RBMS3: variants seen among roughly 807,000 people sequenced by gnomAD.
The protein encoded by RBMS3 is RNA binding motif single stranded interacting protein 3.
Under a neutral mutation model 66.8 loss-of-function variants are expected in RBMS3, and 27 were observed. That is an observed-to-expected ratio of 0.40 (90% CI 0.30 to 0.56). The LOEUF is 0.56. Ranked by LOEUF, RBMS3 falls within the 20% of genes least tolerant of loss-of-function variation. RBMS3 has a pLI of 0.40. For missense variants in RBMS3, 513 were observed against 549.5 expected (o/e 0.93, Z 0.66); for synonymous variants, 188 against 183.0 (o/e 1.03, Z -0.22).
At chr3:29,627,886 C>A (rs2049130106) in intron 4 of RBMS3, among the ~76,000 whole-genome samples, 1 of 152,016 alleles carries the variant, frequency 6.6e-6, no homozygotes, top group South Asian at 2.1e-4. Context: ...CTTTCAGGTC[C>A]CTCTGCTGTG....
chr3:29,743,019 A>G (rs1992352), intron 5 of RBMS3, among the ~76,000 whole-genome samples: 130,338 of 152,134 alleles, frequency 0.86, 55,994 homozygotes, highest in East Asian at 0.97. Flanking sequence ...CCAGGAAACC[A>G]ACACAGAAAA....
chr3:29,806,532 G>A (rs2057553153), intron 6 of RBMS3, among the ~76,000 whole-genome samples: 1 of 151,940 alleles, frequency 6.6e-6, no homozygotes, highest in African/African-American at 2.4e-5. Flanking sequence ...AAGAAAGCCA[G>A]CACAATTTTT....
At chr3:29,537,987 T>C (rs1202031628) in intron 3 of RBMS3, among the ~76,000 whole-genome samples, 2 of 152,136 alleles carry the variant, frequency 1.3e-5, no homozygotes, top group Admixed American at 1.3e-4. Flanking sequence ...TATTTAAGTT[T>C]TGCAAAATTT....
At chr3:29,975,176 T>C (rs1273850733) in intron 12 of RBMS3, among the ~76,000 whole-genome samples, 1 of 148,708 alleles carries the variant, frequency 6.7e-6, no homozygotes, top group Non-Finnish European at 1.5e-5. Context: ...TACTTTACTG[T>C]AGATGAAATT....
At chr3:29,999,692 G>A (rs1260456789) in intron 14 of RBMS3, among the ~76,000 whole-genome samples, 3 of 151,972 alleles carry the variant, frequency 2.0e-5, no homozygotes, top group Non-Finnish European at 2.9e-5. Context: ...CTCACTCATA[G>A]GTGGGAATTG....
At position 29,854,235 on chromosome 3, in the gene RBMS3, G is replaced by C. The variant is rs2059016386; in HGVS notation, c.638-14623G>C. On this transcript the variant is annotated intron_variant, in intron 6 of 14. Transcript: ENST00000383767. ...AGCACTGAGGTCGGCCTCCACCCCA[G>C]CCACAGTGTGCTGCCATGTTGTGTT... 2.0e-5 allele frequency among the ~76,000 whole-genome samples: 3 copies of C among 152,126 alleles called. No homozygotes were observed. In the South Asian group the frequency reaches 6.2e-4, roughly 32 times the overall value.
rs570146631 is a variant in RBMS3, at chr3:29,485,827, C to A, written c.249-2614C>A. On this transcript the variant is annotated intron_variant, in intron 2 of 14. Coordinates refer to ENST00000383767, the MANE Select transcript of RBMS3 (RefSeq NM_001003793.3). Reference sequence around the variant, plus strand: ...TTCAGCAATTTGGTCACATAATTTTCTCTAATATTAGATTTCTGCTTCCAA... The same window carrying A: ...TTCAGCAATTTGGTCACATAATTTTATCTAATATTAGATTTCTGCTTCCAA... 3.3e-5 allele frequency among the ~76,000 whole-genome samples: 5 copies of A among 152,218 alleles called. No homozygotes were observed. In the South Asian group the frequency reaches 1.0e-3, roughly 32 times the overall value.
chr3:29,410,557 C>A (rs2040222400), intron 1 of RBMS3, among the ~76,000 whole-genome samples: 1 of 152,178 alleles, frequency 6.6e-6, no homozygotes, highest in South Asian at 2.1e-4. Flanking sequence ...CTGGTACCAC[C>A]AACCTTAGGG....
At chr3:29,852,947 G>T (rs1437435720) in intron 6 of RBMS3, among the ~76,000 whole-genome samples, 1 of 152,054 alleles carries the variant, frequency 6.6e-6, no homozygotes, top group Admixed American at 6.5e-5. Context: ...ACAAAAATGT[G>T]GTACAGATAC....
chr3:29,346,209 C>T (rs940526915), intron 1 of RBMS3, among the ~76,000 whole-genome samples: 5 of 152,024 alleles, frequency 3.3e-5, no homozygotes, highest in Non-Finnish European at 7.4e-5. Context: ...AATACAAGTA[C>T]CCCAAATTAC....
chr3:29,522,425 C>T (rs2044895433), intron 3 of RBMS3, among the ~76,000 whole-genome samples: 1 of 152,106 alleles, frequency 6.6e-6, no homozygotes, highest in African/African-American at 2.4e-5. Context: ...AACTCCTGAC[C>T]TCAGGTGATC....
At chr3:29,548,276 A>C (rs2046045004) in intron 3 of RBMS3, among the ~76,000 whole-genome samples, 1 of 151,964 alleles carries the variant, frequency 6.6e-6, no homozygotes, top group South Asian at 2.1e-4. Flanking sequence ...AATAGCAATA[A>C]AAAAAATTAG....
rs995281662 is a variant in RBMS3, at chr3:30,009,670, G to T, written c.*5808G>T. ...TATTCATATTTTTAAATCTTTCTTTGACCAAAACTATTGCATTGTTTTCAT... is the reference window on the plus strand; with the variant it reads ...TATTCATATTTTTAAATCTTTCTTTTACCAAAACTATTGCATTGTTTTCAT... On this transcript the variant is annotated 3_prime_UTR_variant, in exon 15 of 15. Transcript: ENST00000383767. 6.6e-6 allele frequency: 1 copy of T among 151,988 alleles called. No homozygotes were observed. Among genetic ancestry groups the T allele is most frequent in the African/African-American group, 2.4e-5 (1 of 41,388 alleles). 9.4% of individuals were successfully genotyped at this position (151,988 alleles called of 1,614,324 possible).
chr3:29,794,128 A>T (rs930216373), intron 6 of RBMS3, among the ~76,000 whole-genome samples: 1 of 152,182 alleles, frequency 6.6e-6, no homozygotes, highest in Non-Finnish European at 1.5e-5. Context: ...CCTTGAGCCA[A>T]TTAAACCTCT....
chr3:29,873,602 G>C (rs557716995), intron 7 of RBMS3, among the ~76,000 whole-genome samples: 6 of 152,234 alleles, frequency 3.9e-5, no homozygotes, highest in Admixed American at 1.3e-4. Context: ...TGATTGCTCT[G>C]GCTAGGACTT....
At chr3:29,403,972 G>A (rs6549938) in intron 1 of RBMS3, among the ~76,000 whole-genome samples, 104,835 of 151,890 alleles carry the variant, frequency 0.69, 36,390 homozygotes, top group South Asian at 0.78. Flanking sequence ...CATTCTTCTC[G>A]AGTGGATTAT....
intron 1 of RBMS3, among the ~76,000 whole-genome samples, chr3:29,431,398 T>C (rs539201725): frequency 6.7e-6 from 1 of 149,384 alleles, no homozygotes; most frequent in African/African-American, 2.5e-5. Flanking sequence ...GTTCAAGTGA[T>C]TCTTCTGCCT....
chr3:29,928,300 C>A (rs1353441390), intron 10 of RBMS3, among the ~76,000 whole-genome samples: 1 of 148,988 alleles, frequency 6.7e-6, no homozygotes, highest in Non-Finnish European at 1.5e-5. Context: ...AGGAACTAAT[C>A]TCAATATTTC....
At chr3:29,579,188 T>C (rs1421407140) in intron 3 of RBMS3, among the ~76,000 whole-genome samples, 5 of 152,310 alleles carry the variant, frequency 3.3e-5, no homozygotes, top group Admixed American at 2.6e-4. Context: ...TCTTTCCGGG[T>C]TGTTGCCCAA....
Sources: gnomAD v4.1 joint callset for allele counts (sites outside exome capture counted in the v4.1 genomes callset) on GRCh38, gnomAD v4.1.1 for gene constraint, MANE v1.5 for transcripts, NCBI Gene and HGNC (gene_info 2026-07-23, HGNC 2026-07-21) for gene names.